Variants in USP4 observed in about 807,000 individuals in gnomAD.
USP4 encodes the protein ubiquitin carboxyl-terminal hydrolase 4.
Under a neutral mutation model 118.2 loss-of-function variants are expected in USP4, and 72 were observed. That is an observed-to-expected ratio of 0.61 (90% confidence interval 0.50 to 0.74). USP4 has a LOEUF of 0.74. Ranked by LOEUF, USP4 falls within the 30% of genes least tolerant of loss-of-function variation. The pLI, the probability that USP4 is intolerant of heterozygous loss-of-function variation, is 0.00. For missense variants in USP4, 1,037 were observed against 1,185.7 expected (o/e 0.87, Z 1.84); for synonymous variants, 415 against 440.4 (o/e 0.94, Z 0.72).
intron 8 of USP4, among the ~76,000 whole-genome samples, chr3:49,309,890 G>A (rs1230921623): frequency 7.2e-6 from 1 of 139,422 alleles, no homozygotes; most frequent in Admixed American, 7.5e-5. Flanking sequence ...GCCTCCCAAA[G>A]TGCTGGGATT....
intron 9 of USP4, 119 bp from the exon 10 acceptor site, chr3:49,302,661 G>A (rs995548159): frequency 2.1e-6 from 2 of 971,456 alleles, no homozygotes; most frequent in African/African-American, 3.3e-5. Flanking sequence ...GAGAACACTT[G>A]GTTGAGTAGT....
At chr3:49,330,566 C>T (rs1055659242) in intron 2 of USP4, among the ~76,000 whole-genome samples, 3 of 151,496 alleles carry the variant, frequency 2.0e-5, no homozygotes, top group African/African-American at 7.3e-5. Flanking sequence ...CTCCTGACCT[C>T]GTGATCCGCC....
intron 9 of USP4, among the ~76,000 whole-genome samples, chr3:49,303,392 A>C (rs1575608496): frequency 6.7e-6 from 1 of 150,110 alleles, no homozygotes; most frequent in East Asian, 2.0e-4. Context: ...AGTGAGCCGA[A>C]ATTGTGCCAG....
intron 21 of USP4, 66 bp downstream of exon 21, chr3:49,278,748 T>TA: frequency 7.9e-7 from 1 of 1,260,476 alleles, no homozygotes; most frequent in Non-Finnish European, 1.1e-6. Flanking sequence ...ACTAGCCTGA[T>TA]AGAGGCTCTT....
chr3:49,309,657 A>C (rs1575611229), intron 8 of USP4, among the ~76,000 whole-genome samples: 2 of 98,362 alleles, frequency 2.0e-5, no homozygotes, highest in African/African-American at 4.0e-5. Flanking sequence ...ACGGAGTTTC[A>C]CTCTTGTTGC....
chr3:49,306,567 T>G (rs994156998), intron 8 of USP4, among the ~76,000 whole-genome samples: 1 of 152,072 alleles, frequency 6.6e-6, no homozygotes, highest in African/African-American at 2.4e-5. Flanking sequence ...TTCTTTTTCC[T>G]AGCATCATGA....
At chr3:49,309,943 C>CTTTTTTTTTGTTTTT (rs2047366112) in intron 8 of USP4, among the ~76,000 whole-genome samples, 1 of 40,236 alleles carries the variant, frequency 2.5e-5, no homozygotes. Flanking sequence ...TTTTTTTAAT[C>CTTTTTTTTTGTTTTT]TTTTTTTTTT....
In USP4 at chr3:49,278,922, A is replaced by G. The variant is rs760877333; in HGVS notation, c.2645-20T>C. 15 of 1,557,520 alleles carry G rather than the reference A, an allele frequency of 9.6e-6. No homozygotes were observed. The highest frequency in any genetic ancestry group is 1.4e-5 in the African/African-American group (1 of 73,632). On this transcript the variant is annotated intron_variant, in intron 20 of 21. Transcript: ENST00000265560. The stretch of plus-strand genomic sequence containing the variant: ...CAGTGTCTGCCAAGTCAACAAAGAA[A>G]ATACTCTAGCGGTCTCCAGAGAATT...
At chr3:49,336,046 TAG>T (rs1407323959) in intron 1 of USP4, among the ~76,000 whole-genome samples, 1 of 151,752 alleles carries the variant, frequency 6.6e-6, no homozygotes, top group African/African-American at 2.4e-5. Flanking sequence ...GTATTTTTAG[TAG>T]AGACGGGGTT....
Position 49,297,857 on chromosome 3 carries a change from G to C in USP4, c.1691+13C>G. 6.2e-7 allele frequency: 1 copy of C among 1,606,342 alleles called. No individual in the cohort carries two copies. Among genetic ancestry groups the C allele is most frequent in the Non-Finnish European group, 8.5e-7 (1 of 1,172,930 alleles). On this transcript the variant is annotated intron_variant, in intron 13 of 21. Coordinates refer to ENST00000265560, the MANE Select transcript of USP4 (RefSeq NM_003363.4). ...TCTGACCTGACCTGCAGCAGAAACTGCTGAGTACTCACACGAAAATGTCAT... is the reference window on the plus strand; with the variant it reads ...TCTGACCTGACCTGCAGCAGAAACTCCTGAGTACTCACACGAAAATGTCAT...
intron 6 of USP4, among the ~76,000 whole-genome samples, chr3:49,322,728 G>A (rs953932134): frequency 3.3e-5 from 5 of 151,910 alleles, no homozygotes; most frequent in Admixed American, 6.6e-5. Context: ...GGGCATGGTG[G>A]TGGGAGCTTG....
rs1372601771 is a variant in USP4 at position 49,311,658 on chromosome 3, G to A, written c.696-4C>T. 7 of 1,613,122 alleles carry A rather than the reference G, an allele frequency of 4.3e-6. No individual in the cohort carries two copies. Among genetic ancestry groups the A allele is most frequent in the African/African-American group, 1.3e-5 (1 of 74,894 alleles). On this transcript the variant is annotated splice_polypyrimidine_tract_variant and splice_region_variant and intron_variant, in intron 6 of 21. Transcript: ENST00000265560. ...TCTGCTAGGCGCAGTGCTTGATCTGGGAGAGAGAAGCAGAAACAATGCTAC... is the reference window on the plus strand; with the variant it reads ...TCTGCTAGGCGCAGTGCTTGATCTGAGAGAGAGAAGCAGAAACAATGCTAC...
chr3:49,310,221 G>A (rs1358943907), intron 8 of USP4, among the ~76,000 whole-genome samples: 3 of 152,008 alleles, frequency 2.0e-5, no homozygotes, highest in African/African-American at 2.4e-5. Flanking sequence ...CACTGCGCCC[G>A]GCTGGGACAG....
At chr3:49,334,014 C>T (rs1469438871) in intron 2 of USP4, among the ~76,000 whole-genome samples, 5 of 151,088 alleles carry the variant, frequency 3.3e-5, no homozygotes, top group South Asian at 2.1e-4. Context: ...AGCAAAACTC[C>T]GTCTCAAAAA....
chr3:49,332,813 T>C (rs140308389), intron 2 of USP4, among the ~76,000 whole-genome samples: 136 of 152,186 alleles, frequency 8.9e-4, no homozygotes, highest in Non-Finnish European at 1.7e-3. Context: ...GAGGATTGCT[T>C]GAGCCCAGGA....
intron 8 of USP4, among the ~76,000 whole-genome samples, chr3:49,306,200 GT>G (rs1326475375): frequency 2.1e-5 from 3 of 143,906 alleles, no homozygotes; most frequent in Non-Finnish European, 4.5e-5. Context: ...TGAAAAAAGT[GT>G]TTTTTTTTGT....
chr3:49,290,669 C>T (rs1414100175), intron 15 of USP4, among the ~76,000 whole-genome samples: 1 of 152,192 alleles, frequency 6.6e-6, no homozygotes, highest in Non-Finnish European at 1.5e-5. Flanking sequence ...CACACACTGC[C>T]ATGCCTGGCT....
At position 49,294,607 on chromosome 3, in the gene USP4, A is replaced by G. The variant is rs781259188; in HGVS notation, c.1692-9T>C. On this transcript the variant is annotated splice_polypyrimidine_tract_variant and intron_variant, in intron 13 of 21. Coordinates refer to ENST00000265560, the MANE Select transcript of USP4 (RefSeq NM_003363.4). ...TGCTGCAGACCTCGTACCTGCGTCA[A>G]TCACACAAGAGGGCACTTTTAGCAG... 7.2e-5 allele frequency: 116 copies of G among 1,611,422 alleles called. No homozygotes were observed. Among genetic ancestry groups the G allele is most frequent in the South Asian group, 6.2e-4 (56 of 90,786 alleles).
At chr3:49,298,054 T>G in intron 12 of USP4, 90 bp from the exon 13 acceptor site, 1 of 831,846 alleles carries the variant, frequency 1.2e-6, no homozygotes, top group South Asian at 1.5e-5. Flanking sequence ...AAAAAAAAAA[T>G]ACTCATACTC....
Sources: gnomAD v4.1 joint callset for allele counts (sites outside exome capture counted in the v4.1 genomes callset) on GRCh38, gnomAD v4.1.1 for gene constraint, MANE v1.5 for transcripts, NCBI Gene and HGNC (gene_info 2026-07-23, HGNC 2026-07-21) for gene names.